The following ZNF616 variants were observed in gnomAD, a reference collection of about 807,000 sequenced individuals.
The protein encoded by ZNF616 is zinc finger protein 616.
In ZNF616, 5 loss-of-function variants were observed where a neutral mutation model predicts 7.6. The observed-to-expected ratio is 0.66, with a 90% CI of 0.34 to 1.38. ZNF616 has a LOEUF of 1.38. Ranked by LOEUF, ZNF616 falls within the 40% of genes most tolerant of loss-of-function variation. The pLI, the probability that ZNF616 is intolerant of heterozygous loss-of-function variation, is 0.04. For missense variants in ZNF616, 913 were observed against 948.3 expected (o/e 0.96, Z 0.49); for synonymous variants, 319 against 317.2 (o/e 1.01, Z -0.06).
intron 1 of ZNF616, among the ~76,000 whole-genome samples, chr19:52,136,309 C>T (rs139905083): frequency 9.7e-4 from 148 of 152,110 alleles, no homozygotes; most frequent in Non-Finnish European, 1.8e-3. Flanking sequence ...GGTGAAACCC[C>T]CGTCTCTACT....
At position 52,115,536 on chromosome 19, in the gene ZNF616, T is replaced by C. The variant is rs2088811759; in HGVS notation, c.1628A>G (p.His543Arg). The change falls in exon 4 of 4, where the codon CAT (histidine) becomes CGT (arginine). Residue 543 changes from histidine (H) to arginine (R), a missense_variant. Physicochemically the swap from His to Arg is conservative, Grantham distance 29. Coordinates refer to ENST00000600228, the MANE Select transcript of ZNF616 (RefSeq NM_178523.5). ...GCATTTGTAAGGCTTCTCTCCAGTA[T>C]GAATTCTCCGATGCCTTGCAAAAGC... ...RSAFARHRRI[H>R]TGEKPYKCKE... The C allele has an allele frequency of 1.9e-6, 3 of 1,614,054 alleles. No homozygotes were observed. The highest frequency in any genetic ancestry group is 1.3e-5 in the African/African-American group (1 of 74,974).
chr19:52,132,566 A>G (rs1436328912), intron 1 of ZNF616, among the ~76,000 whole-genome samples: 1 of 152,066 alleles, frequency 6.6e-6, no homozygotes, highest in African/African-American at 2.4e-5. Context: ...GTTCTTTATC[A>G]CAGTGAGTTC....
chr19:52,124,075 A>G (rs773386616), intron 2 of ZNF616, 26 bp from the exon 3 acceptor site: 3 of 1,585,168 alleles, frequency 1.9e-6, no homozygotes, highest in Non-Finnish European at 2.6e-6. Context: ...CATTTCAAAA[A>G]GAAGCAATAT....
At position 52,115,173 on chromosome 19, in the gene ZNF616, T is replaced by A; in HGVS notation, c.1991A>T (p.Asn664Ile). The change falls in exon 4 of 4, where the codon AAT (asparagine) becomes ATT (isoleucine). Residue 664 changes from asparagine to isoleucine, a missense_variant. Transcript: ENST00000600228. ...VHTGDRPYKC[N>I]ECGKTFKRSS... The stretch of plus-strand genomic sequence containing the variant: ...CCGTTTAAAGGTTTTGCCACACTCA[T>A]TACATTTGTAAGGTCTGTCTCCAGT... 1 of 1,614,178 alleles carries A rather than the reference T, an allele frequency of 6.2e-7. No homozygotes were observed. The highest frequency in any genetic ancestry group is 1.1e-5 in the South Asian group (1 of 91,082).
rs1420535426 is a variant in ZNF616 at position 52,113,092 on chromosome 19, T to G, written c.*1726A>C. 1 of 152,096 alleles carries G rather than the reference T, an allele frequency of 6.6e-6. No individual in the cohort carries two copies. Among genetic ancestry groups the G allele is most frequent in the Non-Finnish European group, 1.5e-5 (1 of 68,026 alleles). 9.4% of individuals were successfully genotyped at this position (152,096 alleles called of 1,614,324 possible). On this transcript the variant is annotated 3_prime_UTR_variant, in exon 4 of 4. Transcript: ENST00000600228. Reference sequence around the variant, plus strand: ...AAGAAAAAAAACAGAAACCTCAAATTTAATGTAATATTTTATAAACTGAAT... The same window carrying G: ...AAGAAAAAAAACAGAAACCTCAAATGTAATGTAATATTTTATAAACTGAAT...
At chr19:52,121,131 T>A (rs906718408) in intron 3 of ZNF616, among the ~76,000 whole-genome samples, 2 of 152,222 alleles carry the variant, frequency 1.3e-5, no homozygotes, top group African/African-American at 2.4e-5. Context: ...CTTGGTTCAC[T>A]GCAACCTCCG....
rs1422900626 is a variant in ZNF616 at position 52,116,066 on chromosome 19, T to C, written c.1098A>G (p.Ser366=). 6.2e-7 allele frequency: 1 copy of C among 1,614,116 alleles called. No homozygotes were observed. Among genetic ancestry groups the C allele is most frequent in the Non-Finnish European group, 8.5e-7 (1 of 1,180,048 alleles). ...DVCGKAFRHR[S]NLVCHRRIHS... ...GGATTCTCCGGTGACATACAAGATT[T>C]GATCTATGTCTGAATGCCTTGCCAC... Residue 366 remains serine (S), a synonymous_variant, in exon 4 of 4, where the codon TCA becomes TCG. Coordinates refer to ENST00000600228, the MANE Select transcript of ZNF616 (RefSeq NM_178523.5).
At chr19:52,127,818 T>G (rs10084118) in intron 2 of ZNF616, among the ~76,000 whole-genome samples, 2,421 of 152,296 alleles carry the variant, frequency 0.016, 52 homozygotes, top group African/African-American at 0.055. Context: ...AAACAAGCTA[T>G]TACTGCTTAT....
chr19:52,123,486 C>T lies in ZNF616; in HGVS notation c.139+437G>A, dbSNP rs533376453. ...GTGACATAGTAAAACCCTGTCTCTA[C>T]ACGGGCATGGTGGCACGCACGCATA... On this transcript the variant is annotated intron_variant, in intron 3 of 3. Coordinates refer to ENST00000600228, the MANE Select transcript of ZNF616 (RefSeq NM_178523.5). 7.2e-5 allele frequency among the ~76,000 whole-genome samples: 11 copies of T among 152,020 alleles called. No homozygotes were observed. In the South Asian group the frequency reaches 2.3e-3, roughly 32 times the overall value.
intron 1 of ZNF616, among the ~76,000 whole-genome samples, chr19:52,134,175 C>G (rs867745473): frequency 1.2e-4 from 19 of 152,108 alleles, no homozygotes; most frequent in African/African-American, 4.6e-4. Context: ...AAATAAGTCA[C>G]GTTTAGGAAA....
rs143651929 is a variant in ZNF616 at position 52,115,185 on chromosome 19, G to A, written c.1979C>T (p.Pro660Leu). 122 of 1,614,042 alleles carry A rather than the reference G, an allele frequency of 7.6e-5. No homozygotes were observed. The highest frequency in any genetic ancestry group is 1.0e-4 in the Non-Finnish European group (119 of 1,180,038). Residue 660 changes from proline (P) to leucine (L), a missense_variant, in exon 4 of 4, where the codon CCT becomes CTT. Coordinates refer to ENST00000600228, the MANE Select transcript of ZNF616 (RefSeq NM_178523.5). Reference protein sequence around the residue: ...LHQTVHTGDRPYKCNECGKTF... With the variant: ...LHQTVHTGDRLYKCNECGKTF... ...TTTGCCACACTCATTACATTTGTAA[G>A]GTCTGTCTCCAGTATGAACAGTCTG...
At chr19:52,128,533 G>A (rs565521867) in intron 2 of ZNF616, among the ~76,000 whole-genome samples, 3 of 152,004 alleles carry the variant, frequency 2.0e-5, no homozygotes, top group South Asian at 4.2e-4. Context: ...ACCTGAGGCC[G>A]GAAGTTTGAG....
At chr19:52,130,424 G>A (rs976771597) in intron 2 of ZNF616, 77 bp downstream of exon 2, 16 of 1,312,902 alleles carry the variant, frequency 1.2e-5, no homozygotes, top group African/African-American at 2.9e-5. Context: ...CAACTCCGAC[G>A]CCCTGTACTT....
chr19:52,129,259 A>G (rs1048598373), intron 2 of ZNF616, among the ~76,000 whole-genome samples: 1 of 152,210 alleles, frequency 6.6e-6, no homozygotes, highest in Non-Finnish European at 1.5e-5. Context: ...GGCCTGGGTG[A>G]CAAGAGCGAG....
chr19:52,137,066 T>C (rs2089016995), intron 1 of ZNF616, among the ~76,000 whole-genome samples: 1 of 150,062 alleles, frequency 6.7e-6, no homozygotes, highest in South Asian at 2.1e-4. Context: ...TATATATATA[T>C]ATATATATAC....
At chr19:52,122,066 AG>A (rs1334037726) in intron 3 of ZNF616, among the ~76,000 whole-genome samples, 1 of 151,960 alleles carries the variant, frequency 6.6e-6, no homozygotes, top group African/African-American at 2.4e-5. Flanking sequence ...GAAAGCAGAC[AG>A]GAGAATAATT....
Position 52,130,489 on chromosome 19 carries a change from G to T in ZNF616, c.12+12C>A, listed in dbSNP as rs376825475. The T allele has an allele frequency of 6.8e-6, 11 of 1,606,944 alleles. No homozygotes were observed. The highest frequency in any genetic ancestry group is 8.5e-6 in the Non-Finnish European group (10 of 1,173,544). ...AAGAATATCACTTCACTTGAGTAAAGTATCACTCTACCTGAGTAGCCATCA... is the reference window on the plus strand; with the variant it reads ...AAGAATATCACTTCACTTGAGTAAATTATCACTCTACCTGAGTAGCCATCA... On this transcript the variant is annotated intron_variant, in intron 2 of 3. Coordinates refer to ENST00000600228, the MANE Select transcript of ZNF616 (RefSeq NM_178523.5).
intron 1 of ZNF616, among the ~76,000 whole-genome samples, chr19:52,135,411 A>G (rs1435607141): frequency 1.3e-5 from 2 of 152,184 alleles, no homozygotes; most frequent in Non-Finnish European, 2.9e-5. Context: ...GAGACCCAAC[A>G]TCTTCCAAGG....
At chr19:52,119,695 G>A (rs903535725) in intron 3 of ZNF616, among the ~76,000 whole-genome samples, 1 of 152,270 alleles carries the variant, frequency 6.6e-6, no homozygotes, top group East Asian at 1.9e-4. Context: ...AACTAATTTA[G>A]AAGTAGCATT....
Sources: gnomAD v4.1 joint callset for allele counts (sites outside exome capture counted in the v4.1 genomes callset) on GRCh38, gnomAD v4.1.1 for gene constraint, MANE v1.5 for transcripts, NCBI Gene and HGNC (gene_info 2026-07-23, HGNC 2026-07-21) for gene names.